Variants in GNAL observed in about 807,000 individuals in gnomAD.
The protein encoded by GNAL is G protein subunit alpha L, also known as guanine nucleotide-binding protein G(olf) subunit alpha.
GNAL carries 18 observed loss-of-function variants against 55.1 expected under a neutral mutation model. The observed-to-expected ratio is 0.33, with a 90% CI of 0.23 to 0.48. The LOEUF is 0.48. GNAL is among the 20% of genes least tolerant of loss of function. The probability of loss-of-function intolerance (pLI) is 0.99; values close to 1 mark genes in which losing one functional copy is unlikely to be tolerated. For missense variants in GNAL, 412 were observed against 614.1 expected (o/e 0.67, Z 3.48); for synonymous variants, 253 against 237.0 (o/e 1.07, Z -0.62).
In GNAL at chr18:11,882,876, C is replaced by T. The variant is rs2036741288; in HGVS notation, c.*1741C>T. The T allele has an allele frequency of 6.6e-6, 1 of 152,054 alleles. No individual in the cohort carries two copies. Among genetic ancestry groups the T allele is most frequent in the South Asian group, 2.1e-4 (1 of 4,814 alleles). 9.4% of individuals were successfully genotyped at this position (152,054 alleles called of 1,614,324 possible). A position where few individuals can be genotyped will look rare whatever the true frequency, so the allele number is the denominator to read the frequency against. On this transcript the variant is annotated 3_prime_UTR_variant, in exon 12 of 12. Coordinates refer to ENST00000334049, the MANE Select transcript of GNAL (RefSeq NM_182978.4). ...TACAGCCTCAAACATTATGACACAC[C>T]AACAATATCTAGAAAGTAAGAACTG...
chr18:11,717,265 A>G (rs9948294), intron 1 of GNAL, among the ~76,000 whole-genome samples: 1,975 of 150,732 alleles, frequency 0.013, 40 homozygotes, highest in African/African-American at 0.045. Context: ...TTCCCCCGGC[A>G]CCTCTCCCTC....
intron 5 of GNAL, chr18:11,851,977 A>T: frequency 6.2e-7 from 1 of 1,613,942 alleles, no homozygotes. Flanking sequence ...GCTCCAGGAA[A>T]TGGCAGATGA....
intron 4 of GNAL, chr18:11,811,488 A>T (rs1364633): frequency 0.11 from 17,130 of 152,130 alleles, 1,295 homozygotes; most frequent in East Asian, 0.32. Context: ...AACTGTTAAA[A>T]CTGTTAACTG....
chr18:11,883,296 C>T lies in GNAL; in HGVS notation c.*2161C>T, dbSNP rs886467228. Reference sequence around the variant, plus strand: ...ATACAATGGAAATTATTTTCAGTTCCCCTTGCACTGTCAAAGTAAAACAAG... The same window carrying T: ...ATACAATGGAAATTATTTTCAGTTCTCCTTGCACTGTCAAAGTAAAACAAG... On this transcript the variant is annotated 3_prime_UTR_variant, in exon 12 of 12. Coordinates refer to ENST00000334049, the MANE Select transcript of GNAL (RefSeq NM_182978.4). 2 of 152,254 alleles carry T rather than the reference C, an allele frequency of 1.3e-5. No individual in the cohort carries two copies. The highest frequency in any genetic ancestry group is 4.8e-5 in the African/African-American group (2 of 41,412). The allele number at this position is 152,254 out of a possible 1,614,324, so 9.4% of individuals were successfully genotyped here. A position where few individuals can be genotyped will look rare whatever the true frequency, so the allele number is the denominator to read the frequency against.
rs79924212 is a variant in GNAL at position 11,693,678 on chromosome 18, G to A, written c.376+3739G>A. Among the ~76,000 whole-genome samples, 642 of 150,688 alleles carry A rather than the reference G, an allele frequency of 4.3e-3. 3 individuals carry two copies. The highest frequency in any genetic ancestry group is 0.015 in the African/African-American group (597 of 40,942). ...TTTGTTTATTCTGGAAATGTGCACCGAAAGCTGGGCATTGGGTTCAGAGAC... is the reference window on the plus strand; with the variant it reads ...TTTGTTTATTCTGGAAATGTGCACCAAAAGCTGGGCATTGGGTTCAGAGAC... On this transcript the variant is annotated intron_variant, in intron 1 of 11. Coordinates refer to ENST00000334049, the MANE Select transcript of GNAL (RefSeq NM_182978.4).
At chr18:11,775,008 C>T (rs1278309059) in intron 4 of GNAL, among the ~76,000 whole-genome samples, 1 of 152,244 alleles carries the variant, frequency 6.6e-6, no homozygotes. Flanking sequence ...TGGACAGCAC[C>T]TCTTCCTGCG....
intron 4 of GNAL, among the ~76,000 whole-genome samples, chr18:11,775,859 T>A (rs2033768297): frequency 6.6e-6 from 1 of 152,116 alleles, no homozygotes; most frequent in South Asian, 2.1e-4. Flanking sequence ...ATTCAAGAGT[T>A]TATGTGGGAA....
Position 11,885,592 on chromosome 18 carries a change from C to T in GNAL, c.*4457C>T, listed in dbSNP as rs1028336930. 87 of 1,489,108 alleles carry T rather than the reference C, an allele frequency of 5.8e-5. No individual in the cohort carries two copies. The East Asian group carries it at 1.9e-3, about 32-fold the overall frequency. 92.2% of individuals were successfully genotyped at this position (1,489,108 alleles called of 1,614,324 possible). A position where few individuals can be genotyped will look rare whatever the true frequency, so the allele number is the denominator to read the frequency against. ...GTGTGTGGCTTTTGTAAATTTTGAC[C>T]GATTGCAGCAATTAAATAGTTGATT... On this transcript the variant is annotated 3_prime_UTR_variant, in exon 12 of 12. Transcript: ENST00000334049.
chr18:11,761,282 C>T (rs968283810), intron 4 of GNAL, among the ~76,000 whole-genome samples: 2 of 152,184 alleles, frequency 1.3e-5, no homozygotes, highest in East Asian at 3.9e-4. Flanking sequence ...TCACAGCCCT[C>T]CTGGGAGAAG....
Position 11,881,230 on chromosome 18 carries a change from C to A in GNAL, c.*95C>A. On this transcript the variant is annotated 3_prime_UTR_variant, in exon 12 of 12. Coordinates refer to ENST00000334049, the MANE Select transcript of GNAL (RefSeq NM_182978.4). This position sits in a 1 kb window ranked among gnomAD's most constrained non-coding sequence, Gnocchi z 4.8. ...GGAGGCAGAGTCTCTAGTTCCATCT[C>A]GCTGCCGTCTGTCCCGTTCTGTGTC... 8.0e-7 allele frequency: 1 copy of A among 1,253,434 alleles called. No individual in the cohort carries two copies. Among genetic ancestry groups the A allele is most frequent in the Non-Finnish European group, 1.1e-6 (1 of 906,210 alleles). 77.6% of individuals were successfully genotyped at this position (1,253,434 alleles called of 1,614,324 possible).
At position 11,876,608 on chromosome 18, in the gene GNAL, G is replaced by C; in HGVS notation, c.1163-13G>C. 2 of 1,533,712 alleles carry C rather than the reference G, an allele frequency of 1.3e-6. No homozygotes were observed. The highest frequency in any genetic ancestry group is 2.2e-5 in the East Asian group (1 of 44,560). On this transcript the variant is annotated splice_polypyrimidine_tract_variant and intron_variant, in intron 10 of 11. Coordinates refer to ENST00000334049, the MANE Select transcript of GNAL (RefSeq NM_182978.4). ...ATGTTGCTTAAATAAAGTTCCATTTGTCATTTCTACAGCAACACCAGATGC... is the reference window on the plus strand; with the variant it reads ...ATGTTGCTTAAATAAAGTTCCATTTCTCATTTCTACAGCAACACCAGATGC...
Position 11,885,213 on chromosome 18 carries a change from G to A in GNAL, c.*4078G>A, listed in dbSNP as rs1057296269. 3 of 378,372 alleles carry A rather than the reference G, an allele frequency of 7.9e-6. No individual in the cohort carries two copies. Among genetic ancestry groups the A allele is most frequent in the African/African-American group, 6.6e-5 (3 of 45,612 alleles). 23.4% of individuals were successfully genotyped at this position (378,372 alleles called of 1,614,324 possible). ...GTCGTACCAGCATCATGAGCTGGAT[G>A]CAGGAGCCCATGGCTGAAAGGAGTT... On this transcript the variant is annotated 3_prime_UTR_variant, in exon 12 of 12. Coordinates refer to ENST00000334049, the MANE Select transcript of GNAL (RefSeq NM_182978.4).
chr18:11,715,417 C>T (rs1487205369), intron 1 of GNAL, among the ~76,000 whole-genome samples: 8 of 146,276 alleles, frequency 5.5e-5, no homozygotes, highest in Admixed American at 2.7e-4. Flanking sequence ...GCCGAGATCG[C>T]GCCACTGCAC....
intron 4 of GNAL, among the ~76,000 whole-genome samples, chr18:11,785,600 T>G (rs892023642): frequency 1.2e-4 from 18 of 152,250 alleles, no homozygotes; most frequent in African/African-American, 4.3e-4. Flanking sequence ...TTCAGAGTTT[T>G]GTTTTCTTCT....
At chr18:11,875,980 A>G (rs1478061996) in intron 10 of GNAL, among the ~76,000 whole-genome samples, 1 of 152,188 alleles carries the variant, frequency 6.6e-6, no homozygotes, top group African/African-American at 2.4e-5. Flanking sequence ...GGCCTCTTAC[A>G]AGGATATAAT....
At chr18:11,786,607 C>G (rs1693491213) in intron 4 of GNAL, among the ~76,000 whole-genome samples, 1 of 132,122 alleles carries the variant, frequency 7.6e-6, no homozygotes, top group South Asian at 2.4e-4. Context: ...CACCACCACA[C>G]CTGGCTAATT....
intron 4 of GNAL, among the ~76,000 whole-genome samples, chr18:11,796,067 C>T (rs2034370533): frequency 6.6e-6 from 1 of 152,168 alleles, no homozygotes; most frequent in Non-Finnish European, 1.5e-5. Context: ...AATGCTATGG[C>T]ACTGGAGGAA....
chr18:11,696,453 C>T (rs374067656), intron 1 of GNAL, among the ~76,000 whole-genome samples: 2 of 150,428 alleles, frequency 1.3e-5, no homozygotes, highest in African/African-American at 4.9e-5. Flanking sequence ...TGCAGTGAGC[C>T]GAGATCATGC....
intron 1 of GNAL, among the ~76,000 whole-genome samples, chr18:11,708,948 A>G (rs1188835676): frequency 2.6e-5 from 4 of 152,250 alleles, no homozygotes; most frequent in Admixed American, 6.5e-5. Context: ...TCTTACAATT[A>G]CGTCTTTAAT....
Sources: allele counts gnomAD v4.1 joint callset (sites outside exome capture counted in the v4.1 genomes callset), GRCh38; gene constraint gnomAD v4.1.1; non-coding constraint Gnocchi (gnomAD v3.1); transcripts MANE v1.5; gene names NCBI Gene and HGNC (gene_info 2026-07-23, HGNC 2026-07-21).